Variants in CDPF1 observed in about 807,000 individuals in gnomAD.
CDPF1 encodes the protein cysteine-rich DPF motif domain-containing protein 1.
Under a neutral mutation model 8.3 loss-of-function variants are expected in CDPF1, and 8 were observed. The ratio of observed to expected loss-of-function variants is 0.96; its 90% CI spans 0.57 to 1.74. CDPF1 has a LOEUF of 1.74. CDPF1 is among the 40% of genes most tolerant of loss of function. The pLI, the probability that CDPF1 is intolerant of heterozygous loss-of-function variation, is 0.00. For missense variants in CDPF1, 151 were observed against 155.3 expected, an observed-to-expected ratio of 0.97 and a Z score of 0.15; for synonymous variants, 62 against 62.9, an observed-to-expected ratio of 0.99 and a Z score of 0.07.
Position 46,247,028 on chromosome 22 carries a change from T to C in CDPF1, c.225+82A>G, listed in dbSNP as rs1936500540. 7.5e-7 allele frequency: 1 copy of C among 1,335,784 alleles called. No individual in the cohort carries two copies. The highest frequency in any genetic ancestry group is 2.0e-5 in the Admixed American group (1 of 50,908). 82.7% of individuals were successfully genotyped at this position (1,335,784 alleles called of 1,614,324 possible). ...AATGGGGTGAACCCGCTGCTCCCTC[T>C]CTCCCAGCCCTCCCTACCCAGGGAG... is the stretch of plus-strand genomic sequence containing the variant. On this transcript the variant is annotated intron_variant, in intron 3 of 3. Transcript: ENST00000314567. This position sits in a 1 kb window ranked among gnomAD's most constrained non-coding sequence, Gnocchi z 4.3.
rs114568788 is a variant in CDPF1, at chr22:46,245,842, G to A, written c.226-604C>T. 6.7e-3 allele frequency among the ~76,000 whole-genome samples: 1,021 copies of A among 152,346 alleles called. 16 individuals are homozygous for A. The highest frequency in any genetic ancestry group is 0.023 in the African/African-American group (971 of 41,580). Reference sequence around the variant, plus strand: ...CATGTGACTCAGGCTGGTTAGGGGCGTCAGCAACTGTGTGTGCCACCTCCT... The same window carrying A: ...CATGTGACTCAGGCTGGTTAGGGGCATCAGCAACTGTGTGTGCCACCTCCT... On this transcript the variant is annotated intron_variant, in intron 3 of 3. Transcript: ENST00000314567. This position sits in a 1 kb window ranked among gnomAD's most constrained non-coding sequence, Gnocchi z 6.9.
rs1031607937 is a variant in CDPF1 at position 46,246,495 on chromosome 22, C to T, written c.225+615G>A. Among the ~76,000 whole-genome samples, 2 of 152,172 alleles carry T rather than the reference C, an allele frequency of 1.3e-5. No homozygotes were observed. The highest frequency in any genetic ancestry group is 4.8e-5 in the African/African-American group (2 of 41,444). ...TGTGTGTCAACCTGTGGCAGATGCT[C>T]AGGGACTTCTCAGACTCTGGGGTCA... On this transcript the variant is annotated intron_variant, in intron 3 of 3. Coordinates refer to ENST00000314567, the MANE Select transcript of CDPF1 (RefSeq NM_207327.5). The surrounding 1 kb of genome is among the most constrained non-coding windows in gnomAD (Gnocchi z 7.1).
At position 46,249,663 on chromosome 22, in the gene CDPF1, T is replaced by A. The variant is rs940983609; in HGVS notation, c.-1+593A>T. Reference sequence around the variant, plus strand: ...GACTCCTTCTCAAAAAAATAAAAATTAAAATTAAATAAAATAAAATATTAG... The same window carrying A: ...GACTCCTTCTCAAAAAAATAAAAATAAAAATTAAATAAAATAAAATATTAG... On this transcript the variant is annotated intron_variant, in intron 1 of 3. Transcript: ENST00000314567. This position sits in a 1 kb window ranked among gnomAD's most constrained non-coding sequence, Gnocchi z 4.6. Among the ~76,000 whole-genome samples the A allele has an allele frequency of 2.5e-4, 35 of 139,696 alleles. No individual in the cohort carries two copies. Among genetic ancestry groups the A allele is most frequent in the Middle Eastern group, 9.3e-3 (2 of 216 alleles). 91.6% of individuals were successfully genotyped at this position (139,696 alleles called of 152,430 possible).
rs1391623680 is a variant in CDPF1 at position 46,245,975 on chromosome 22, C to G, written c.226-737G>C. 6.6e-6 allele frequency among the ~76,000 whole-genome samples: 1 copy of G among 152,342 alleles called. No individual in the cohort carries two copies. Among genetic ancestry groups the G allele is most frequent in the African/African-American group, 2.4e-5 (1 of 41,570 alleles). On this transcript the variant is annotated intron_variant, in intron 3 of 3. Coordinates refer to ENST00000314567, the MANE Select transcript of CDPF1 (RefSeq NM_207327.5). This position sits in a 1 kb window ranked among gnomAD's most constrained non-coding sequence, Gnocchi z 6.9. ...CAGCCACAAGGGACCCAAATAGAGA[C>G]TCTGCTGAAGACAACAGGGGTGCCC...
In CDPF1 at chr22:46,249,269, G is replaced by T. The variant is rs996700590; in HGVS notation, c.1-985C>A. ...TCCCCTCGCCTGAACTGAGCGTGGT[G>T]TATAAAGGCGTATCAAATGCGATGG... On this transcript the variant is annotated intron_variant, in intron 1 of 3. Transcript: ENST00000314567. The surrounding 1 kb of genome is among the most constrained non-coding windows in gnomAD (Gnocchi z 4.6). 6.6e-6 allele frequency among the ~76,000 whole-genome samples: 1 copy of T among 152,178 alleles called. No homozygotes were observed. The highest frequency in any genetic ancestry group is 1.5e-5 in the Non-Finnish European group (1 of 68,038).
Position 46,248,123 on chromosome 22 carries a change from G to T in CDPF1, c.113+49C>A. 7.4e-7 allele frequency: 1 copy of T among 1,360,342 alleles called. No homozygotes were observed. Among genetic ancestry groups the T allele is most frequent in the Non-Finnish European group, 1.0e-6 (1 of 960,046 alleles). 84.3% of individuals were successfully genotyped at this position (1,360,342 alleles called of 1,614,324 possible). The stretch of plus-strand genomic sequence containing the variant: ...ACCTAGGCACACCACCCACCAACCA[G>T]CACTGGGCACAGGCCTCCCCGGCAC... On this transcript the variant is annotated intron_variant, in intron 2 of 3. Coordinates refer to ENST00000314567, the MANE Select transcript of CDPF1 (RefSeq NM_207327.5). The surrounding 1 kb of genome is among the most constrained non-coding windows in gnomAD (Gnocchi z 4.1).
rs571038970 is a variant in CDPF1 at position 46,246,923 on chromosome 22, T to C, written c.225+187A>G. 1,464 of 1,423,638 alleles carry C rather than the reference T, an allele frequency of 1.0e-3. 4 individuals carry two copies. The highest frequency in any genetic ancestry group is 1.3e-3 in the Non-Finnish European group (1,334 of 1,056,150). 88.2% of individuals were successfully genotyped at this position (1,423,638 alleles called of 1,614,324 possible). On this transcript the variant is annotated intron_variant, in intron 3 of 3. Coordinates refer to ENST00000314567, the MANE Select transcript of CDPF1 (RefSeq NM_207327.5). The surrounding 1 kb of genome is among the most constrained non-coding windows in gnomAD (Gnocchi z 7.1). Reference sequence around the variant, plus strand: ...GCCACCAATTACCTATTTCCATTCCTACACCAGGCTGAGACCCTCTAACTG... The same window carrying C: ...GCCACCAATTACCTATTTCCATTCCCACACCAGGCTGAGACCCTCTAACTG...
chr22:46,245,038 C>A lies in CDPF1; in HGVS notation c.*54G>T. 1.3e-6 allele frequency: 2 copies of A among 1,598,050 alleles called. No individual in the cohort carries two copies. The highest frequency in any genetic ancestry group is 8.5e-7 in the Non-Finnish European group (1 of 1,171,412). On this transcript the variant is annotated 3_prime_UTR_variant, in exon 4 of 4. Coordinates refer to ENST00000314567, the MANE Select transcript of CDPF1 (RefSeq NM_207327.5). This position sits in a 1 kb window ranked among gnomAD's most constrained non-coding sequence, Gnocchi z 6.9. ...AGCTCAGCAGCATCCCTGGCGCAGG[C>A]TGGCCCAGGAGCTCTGTGCAGGGTG...
chr22:46,249,824 C>T lies in CDPF1; in HGVS notation c.-1+432G>A, dbSNP rs992354318. On this transcript the variant is annotated intron_variant, in intron 1 of 3. Transcript: ENST00000314567. This position sits in a 1 kb window ranked among gnomAD's most constrained non-coding sequence, Gnocchi z 4.6. ...GAGCCGAGATCGCGCCACTGCATTCCAGCCTGGGCGACAGAGCGAGACTCT... is the reference window on the plus strand; with the variant it reads ...GAGCCGAGATCGCGCCACTGCATTCTAGCCTGGGCGACAGAGCGAGACTCT... 1.3e-5 allele frequency among the ~76,000 whole-genome samples: 2 copies of T among 152,178 alleles called. No homozygotes were observed. The highest frequency in any genetic ancestry group is 2.4e-5 in the African/African-American group (1 of 41,448).
In CDPF1 at chr22:46,246,550, C is replaced by A. The variant is rs1936492457; in HGVS notation, c.225+560G>T. 27 of 1,229,130 alleles carry A rather than the reference C, an allele frequency of 2.2e-5. No individual in the cohort carries two copies. In the South Asian group the frequency reaches 4.0e-4, roughly 18 times the overall value. The allele number at this position is 1,229,130 out of a possible 1,614,324, so 76.1% of individuals were successfully genotyped here. ...GAGTACACTGGGCACGCTGTGAAAG[C>A]CATGCTGCTCCACTTCCATCCGTCC... On this transcript the variant is annotated intron_variant, in intron 3 of 3. Transcript: ENST00000314567. The surrounding 1 kb of genome is among the most constrained non-coding windows in gnomAD (Gnocchi z 7.1).
Position 46,245,296 on chromosome 22 carries a change from TC to T in CDPF1, c.226-59del. 1 of 1,583,680 alleles carries T rather than the reference TC, an allele frequency of 6.3e-7. No individual in the cohort carries two copies. The highest frequency in any genetic ancestry group is 8.6e-7 in the Non-Finnish European group (1 of 1,159,588). On this transcript the variant is annotated intron_variant, in intron 3 of 3. Coordinates refer to ENST00000314567, the MANE Select transcript of CDPF1 (RefSeq NM_207327.5). This position sits in a 1 kb window ranked among gnomAD's most constrained non-coding sequence, Gnocchi z 6.9. ...TATCCTGGGAACATGGTGCAGCTCC[TC>T]CCAGGGGCCAGCCCTTCCCACACTT... is the stretch of plus-strand genomic sequence containing the variant.
In CDPF1 at chr22:46,248,310, C is replaced by T. The variant is rs1439689645; in HGVS notation, c.1-26G>A. ...CTGCAAGATCAAGAGATGGGGTGTCCCTGGGTCACAGGCTTTCTCAGGAAT... is the reference window on the plus strand; with the variant it reads ...CTGCAAGATCAAGAGATGGGGTGTCTCTGGGTCACAGGCTTTCTCAGGAAT... On this transcript the variant is annotated intron_variant, in intron 1 of 3. Transcript: ENST00000314567. The surrounding 1 kb of genome is among the most constrained non-coding windows in gnomAD (Gnocchi z 4.1). The T allele has an allele frequency of 1.3e-6, 2 of 1,481,540 alleles. No homozygotes were observed. Among genetic ancestry groups the T allele is most frequent in the Non-Finnish European group, 1.9e-6 (2 of 1,064,748 alleles). 91.8% of individuals were successfully genotyped at this position (1,481,540 alleles called of 1,614,324 possible).
At position 46,247,509 on chromosome 22, in the gene CDPF1, G is replaced by A. The variant is rs1936510173; in HGVS notation, c.114-288C>T. On this transcript the variant is annotated intron_variant, in intron 2 of 3. Coordinates refer to ENST00000314567, the MANE Select transcript of CDPF1 (RefSeq NM_207327.5). The surrounding 1 kb of genome is among the most constrained non-coding windows in gnomAD (Gnocchi z 4.3). ...CAAAAGCAGGGCTGCTGCAACATGG[G>A]CCCCCAGACCCTGACTGATTCACCA... Among the ~76,000 whole-genome samples, 1 of 152,116 alleles carries A rather than the reference G, an allele frequency of 6.6e-6. No homozygotes were observed. The highest frequency in any genetic ancestry group is 1.5e-5 in the Non-Finnish European group (1 of 67,998).
In CDPF1 at chr22:46,246,786, C is replaced by T; in HGVS notation, c.225+324G>A. ...ACAGTCCCTTCTCCTGGAGATCCCT[C>T]CAAGAACATCTAGAAAGTAAGTCAC... On this transcript the variant is annotated intron_variant, in intron 3 of 3. Coordinates refer to ENST00000314567, the MANE Select transcript of CDPF1 (RefSeq NM_207327.5). The surrounding 1 kb of genome is among the most constrained non-coding windows in gnomAD (Gnocchi z 7.1). 6.3e-7 allele frequency: 1 copy of T among 1,594,552 alleles called. No individual in the cohort carries two copies. Among genetic ancestry groups the T allele is most frequent in the Non-Finnish European group, 8.5e-7 (1 of 1,171,066 alleles).
Position 46,245,720 on chromosome 22 carries a change from C to T in CDPF1, c.226-482G>A, listed in dbSNP as rs1486493858. ...AGAACCGTGCAGCCATGTCCGCTCTCCTCTCTCTTACACACTAGAACTCCC... is the reference window on the plus strand; with the variant it reads ...AGAACCGTGCAGCCATGTCCGCTCTTCTCTCTCTTACACACTAGAACTCCC... On this transcript the variant is annotated intron_variant, in intron 3 of 3. Transcript: ENST00000314567. This position sits in a 1 kb window ranked among gnomAD's most constrained non-coding sequence, Gnocchi z 6.9. 6.6e-6 allele frequency among the ~76,000 whole-genome samples: 1 copy of T among 152,224 alleles called. No individual in the cohort carries two copies. Among genetic ancestry groups the T allele is most frequent in the Non-Finnish European group, 1.5e-5 (1 of 68,040 alleles).
At position 46,244,546 on chromosome 22, in the gene CDPF1, A is replaced by G. The variant is rs551364611; in HGVS notation, c.*546T>C. The G allele has an allele frequency of 6.6e-6, 1 of 152,600 alleles. No individual in the cohort carries two copies. 9.5% of individuals were successfully genotyped at this position (152,600 alleles called of 1,614,324 possible). A position where few individuals can be genotyped will look rare whatever the true frequency, so the allele number is the denominator to read the frequency against. ...TGGTTCTTTGGGTTTTTAATTATAA[A>G]CATAATACATGGTCAAGGTTAAAAA... On this transcript the variant is annotated 3_prime_UTR_variant, in exon 4 of 4. Transcript: ENST00000314567. The surrounding 1 kb of genome is among the most constrained non-coding windows in gnomAD (Gnocchi z 6.7).
chr22:46,247,126 A>C lies in CDPF1; in HGVS notation c.209T>G (p.Leu70Arg), dbSNP rs55641018. 0.071 allele frequency: 114,454 copies of C among 1,612,998 alleles called. 6,013 individuals are homozygous for C. The highest frequency in any genetic ancestry group is 0.27 in the African/African-American group (20,415 of 74,908). ...LGSCCSLCSR[L>R]VCVGPECSLF... ...CTTACCCACCGGGCCCACACACACC[A>C]GCCTGCTGCACAAACTGCAGCACGA... Residue 70 changes from leucine (L) to arginine (R), a missense_variant, in exon 3 of 4, where the codon CTG (leucine) becomes CGG (arginine). Leu to Arg is a moderately radical substitution (Grantham distance 102). Coordinates refer to ENST00000314567, the MANE Select transcript of CDPF1 (RefSeq NM_207327.5). The surrounding 1 kb of genome is among the most constrained non-coding windows in gnomAD (Gnocchi z 4.3).
Position 46,247,920 on chromosome 22 carries a change from CA to C in CDPF1, c.113+251del, listed in dbSNP as rs1264082994. 4.6e-5 allele frequency among the ~76,000 whole-genome samples: 7 copies of C among 152,236 alleles called. No homozygotes were observed. The highest frequency in any genetic ancestry group is 1.7e-4 in the African/African-American group (7 of 41,462). ...AAGGGGGAGGCCACCACAGGTCCCC[CA>C]GCTGCTGAGCTGCTCCCCCACAGCT... is the stretch of plus-strand genomic sequence containing the variant. On this transcript the variant is annotated intron_variant, in intron 2 of 3. Transcript: ENST00000314567. The surrounding 1 kb of genome is among the most constrained non-coding windows in gnomAD (Gnocchi z 4.3).
Position 46,246,784 on chromosome 22 carries a change from C to G in CDPF1, c.225+326G>C, listed in dbSNP as rs548548960. 6 of 1,595,932 alleles carry G rather than the reference C, an allele frequency of 3.8e-6. No homozygotes were observed. The East Asian group carries it at 1.4e-4, about 36-fold the overall frequency. On this transcript the variant is annotated intron_variant, in intron 3 of 3. Coordinates refer to ENST00000314567, the MANE Select transcript of CDPF1 (RefSeq NM_207327.5). The surrounding 1 kb of genome is among the most constrained non-coding windows in gnomAD (Gnocchi z 7.1). Reference sequence around the variant, plus strand: ...GGACAGTCCCTTCTCCTGGAGATCCCTCCAAGAACATCTAGAAAGTAAGTC... The same window carrying G: ...GGACAGTCCCTTCTCCTGGAGATCCGTCCAAGAACATCTAGAAAGTAAGTC...
Sources: allele counts gnomAD v4.1 joint callset (sites outside exome capture counted in the v4.1 genomes callset), GRCh38; gene constraint gnomAD v4.1.1; non-coding constraint Gnocchi (gnomAD v3.1); transcripts MANE v1.5; gene names NCBI Gene and HGNC (gene_info 2026-07-23, HGNC 2026-07-21).